IPO11: variants seen among roughly 807,000 people sequenced by gnomAD.
The protein encoded by IPO11 is importin 11.
Under a neutral mutation model 143.2 loss-of-function variants are expected in IPO11, and 66 were observed. The observed-to-expected ratio is 0.46, with a 90% confidence interval of 0.38 to 0.57. The LOEUF (loss-of-function observed/expected upper bound fraction) is 0.57, where lower values mean the gene tolerates loss of function less well. Ranked by LOEUF, IPO11 falls within the 20% of genes least tolerant of loss-of-function variation. IPO11 has a pLI of 0.00. For synonymous variants in IPO11, 385 were observed against 377.8 expected, an observed-to-expected ratio of 1.02 and a Z score of -0.22; for missense variants, 1,026 against 1,141.0, an observed-to-expected ratio of 0.90 and a Z score of 1.45.
chr5:62,575,491 T>C (rs895161523), intron 27 of IPO11, among the ~76,000 whole-genome samples: 2 of 152,170 alleles, frequency 1.3e-5, no homozygotes, highest in Non-Finnish European at 2.9e-5. Context: ...TTTTCTCTTA[T>C]AACATTTTTA....
chr5:62,463,896 T>G (rs1233953766), intron 5 of IPO11, among the ~76,000 whole-genome samples: 3 of 151,610 alleles, frequency 2.0e-5, no homozygotes, highest in Non-Finnish European at 2.9e-5. Flanking sequence ...TGATCTCAGC[T>G]CAGTGCAACC....
chr5:62,514,634 G>GGGAGAA (rs1467368656), intron 19 of IPO11, among the ~76,000 whole-genome samples: 1 of 148,012 alleles, frequency 6.8e-6, no homozygotes, highest in East Asian at 2.0e-4. Flanking sequence ...GAGAGGGAGA[G>GGGAGAA]GGAGACGGGA....
rs1441303176 is a variant in IPO11 at position 62,627,176 on chromosome 5, A to G, written c.2786A>G (p.His929Arg). Residue 929 changes from histidine (H) to arginine (R), a missense_variant, in exon 30 of 30, where the codon CAT becomes CGT. Around this residue, in one of 5 missense-constraint regions of IPO11, gnomAD observed 351 missense variants for 358.9 expected, o/e 0.98. Transcript: ENST00000325324. Reference protein sequence around the residue: ...KKMLALKDPVHTVSLQQFIYE... With the variant: ...KKMLALKDPVRTVSLQQFIYE... ...CAGCTGGCCCTGAAGGACCCTGTTCATACAGTGTCACTGCAGCAGTTCATC... is the reference window on the plus strand; with the variant it reads ...CAGCTGGCCCTGAAGGACCCTGTTCGTACAGTGTCACTGCAGCAGTTCATC... 1.2e-6 allele frequency: 2 copies of G among 1,613,970 alleles called. No homozygotes were observed. Among genetic ancestry groups the G allele is most frequent in the Admixed American group, 1.7e-5 (1 of 60,018 alleles).
intron 13 of IPO11, among the ~76,000 whole-genome samples, chr5:62,488,935 T>G (rs1345145470): frequency 6.6e-6 from 1 of 152,178 alleles, no homozygotes; most frequent in Non-Finnish European, 1.5e-5. Flanking sequence ...CGCAGGAGGA[T>G]GAGGCTGCAG....
At chr5:62,508,021 T>C (rs1470612789) in intron 19 of IPO11, among the ~76,000 whole-genome samples, 1 of 152,244 alleles carries the variant, frequency 6.6e-6, no homozygotes, top group Non-Finnish European at 1.5e-5. Context: ...CCTTAACCTC[T>C]GATCAACCCT....
At chr5:62,585,525 A>C (rs1223055357) in intron 27 of IPO11, among the ~76,000 whole-genome samples, 2 of 152,214 alleles carry the variant, frequency 1.3e-5, no homozygotes, top group African/African-American at 4.8e-5. Flanking sequence ...GTAAGGTCAG[A>C]GAGCTGGGCA....
chr5:62,444,096 T>G (rs1192970252), intron 3 of IPO11, among the ~76,000 whole-genome samples: 2 of 146,706 alleles, frequency 1.4e-5, no homozygotes, highest in Non-Finnish European at 3.0e-5. Flanking sequence ...CATGTCTTTT[T>G]CTTTTTTTTT....
intron 28 of IPO11, among the ~76,000 whole-genome samples, chr5:62,591,997 G>A (rs1745041812): frequency 6.6e-6 from 1 of 152,026 alleles, no homozygotes; most frequent in Non-Finnish European, 1.5e-5. Flanking sequence ...TTACAGGCAT[G>A]CACCACCACA....
At chr5:62,484,896 T>G (rs1248799365) in intron 11 of IPO11, among the ~76,000 whole-genome samples, 1 of 150,160 alleles carries the variant, frequency 6.7e-6, no homozygotes, top group East Asian at 1.9e-4. Context: ...CTTTTCTTGT[T>G]TTTTTTTTTG....
chr5:62,548,216 G>T (rs1275643050), intron 24 of IPO11, among the ~76,000 whole-genome samples: 1 of 151,986 alleles, frequency 6.6e-6, no homozygotes, highest in African/African-American at 2.4e-5. Context: ...ACAATCTTTT[G>T]TATTCTCTGG....
At chr5:62,418,713 C>T (rs1743385385) in intron 1 of IPO11, among the ~76,000 whole-genome samples, 1 of 152,168 alleles carries the variant, frequency 6.6e-6, no homozygotes. Context: ...CAGAGCTTTC[C>T]AGCCAGAGGG....
intron 7 of IPO11, among the ~76,000 whole-genome samples, chr5:62,471,731 A>G (rs2112201401): frequency 6.6e-6 from 1 of 152,350 alleles, no homozygotes; most frequent in East Asian, 1.9e-4. Flanking sequence ...CATTCATATG[A>G]TTAGTGTCAG....
intron 5 of IPO11, among the ~76,000 whole-genome samples, chr5:62,459,991 A>G (rs1487496385): frequency 6.6e-6 from 1 of 152,232 alleles, no homozygotes; most frequent in Non-Finnish European, 1.5e-5. Flanking sequence ...CCATGTAACT[A>G]TTACCTAGAT....
intron 5 of IPO11, 94 bp from the exon 6 acceptor site, chr5:62,467,037 T>G (rs75500070): frequency 0.027 from 30,899 of 1,130,158 alleles, 510 homozygotes; most frequent in Non-Finnish European, 0.032. Context: ...AATGTGTGCT[T>G]AGTTGTAAAA....
chr5:62,536,651 TTGAGCAG>T, intron 22 of IPO11, 44 bp from the exon 23 acceptor site: 1 of 1,551,198 alleles, frequency 6.4e-7, no homozygotes, highest in Non-Finnish European at 8.7e-7. Context: ...TAAACTAATT[TTGAGCAG>T]TGAATTAATT....
chr5:62,485,984 C>CTTTTT (rs746289007), intron 12 of IPO11, among the ~76,000 whole-genome samples: 2 of 130,256 alleles, frequency 1.5e-5, no homozygotes, highest in African/African-American at 5.6e-5. Flanking sequence ...TTTTCTTTTT[C>CTTTTT]TTTTTTTTTT....
chr5:62,554,380 T>C (rs923703635), intron 26 of IPO11, among the ~76,000 whole-genome samples: 2 of 152,172 alleles, frequency 1.3e-5, no homozygotes, highest in African/African-American at 2.4e-5. Context: ...GTTTTCCTTA[T>C]GTTTTCTTCT....
intron 10 of IPO11, 58 bp downstream of exon 10, chr5:62,483,351 G>T: frequency 5.0e-6 from 5 of 1,009,528 alleles, no homozygotes; most frequent in Non-Finnish European, 7.1e-6. Context: ...TGATATAATT[G>T]CTATAATTAC....
chr5:62,605,342 T>C (rs1238259040), intron 29 of IPO11, among the ~76,000 whole-genome samples: 1 of 152,198 alleles, frequency 6.6e-6, no homozygotes, highest in Non-Finnish European at 1.5e-5. Flanking sequence ...TTTCTGAGAA[T>C]TCTCTATATT....
Sources: allele counts gnomAD v4.1 joint callset (sites outside exome capture counted in the v4.1 genomes callset), GRCh38; gene constraint gnomAD v4.1.1; regional missense constraint gnomAD v4.1.1; transcripts MANE v1.5; gene names NCBI Gene and HGNC (gene_info 2026-07-23, HGNC 2026-07-21).